The following IMMP2L variants were observed in gnomAD, a reference collection of about 807,000 sequenced individuals.
The protein encoded by IMMP2L is mitochondrial inner membrane protease subunit 2.
A neutral mutation model predicts 19.3 loss-of-function variants in IMMP2L; 18 were observed. That is an observed-to-expected ratio of 0.93 (90% CI 0.64 to 1.38). The LOEUF (loss-of-function observed/expected upper bound fraction) is 1.38, where lower values mean the gene tolerates loss of function less well. IMMP2L is among the 40% of genes most tolerant of loss of function. IMMP2L has a pLI of 0.00. For synonymous variants in IMMP2L, 76 were observed against 73.0 expected (o/e 1.04, Z -0.21); for missense variants, 233 against 218.2 (o/e 1.07, Z -0.43).
intron 3 of IMMP2L, among the ~76,000 whole-genome samples, chr7:111,210,085 C>A (rs549526546): frequency 6.6e-6 from 1 of 152,198 alleles, no homozygotes; most frequent in African/African-American, 2.4e-5. Context: ...CCTTGTATCT[C>A]CTTTTGGTTG....
At chr7:110,922,324 C>T (rs1246357950) in intron 4 of IMMP2L, among the ~76,000 whole-genome samples, 2 of 152,122 alleles carry the variant, frequency 1.3e-5, no homozygotes, top group Non-Finnish European at 2.9e-5. Context: ...CAAATCCTTG[C>T]ATATAAAAAT....
At chr7:111,122,688 C>CT in intron 3 of IMMP2L, 1 of 1,049,116 alleles carries the variant, frequency 9.5e-7, no homozygotes, top group Non-Finnish European at 1.4e-6. Context: ...AAGCATCTTC[C>CT]TTATCAATCA....
At chr7:111,254,720 A>G (rs1816512578) in intron 3 of IMMP2L, among the ~76,000 whole-genome samples, 1 of 152,138 alleles carries the variant, frequency 6.6e-6, no homozygotes, top group Non-Finnish European at 1.5e-5. Context: ...AATCTGCACA[A>G]CATAAGTCCC....
At chr7:110,691,839 G>A (rs1793530188) in intron 5 of IMMP2L, among the ~76,000 whole-genome samples, 1 of 152,256 alleles carries the variant, frequency 6.6e-6, no homozygotes, top group Non-Finnish European at 1.5e-5. Context: ...AAAAGAGAAT[G>A]CTTATCAACT....
chr7:111,035,838 T>C lies in IMMP2L; in HGVS notation c.240-72273A>G, dbSNP rs377409280. ...CTTTCCTAAATGGAATCATCTGATATGGACTGGCCTGGTCATTCCATCTAT... is the reference window on the plus strand; with the variant it reads ...CTTTCCTAAATGGAATCATCTGATACGGACTGGCCTGGTCATTCCATCTAT... On this transcript the variant is annotated intron_variant, in intron 3 of 5. Transcript: ENST00000405709. Among the ~76,000 whole-genome samples, 13 of 152,292 alleles carry C rather than the reference T, an allele frequency of 8.5e-5. No individual in the cohort carries two copies. The East Asian group carries it at 1.4e-3, about 16-fold the overall frequency.
intron 3 of IMMP2L, among the ~76,000 whole-genome samples, chr7:111,054,703 C>A (rs1221089359): frequency 1.3e-5 from 2 of 152,162 alleles, no homozygotes; most frequent in Middle Eastern, 3.2e-3. Flanking sequence ...CCAGCACCTC[C>A]CTCTGTTGGC....
chr7:110,699,229 C>T (rs963006895), intron 5 of IMMP2L, among the ~76,000 whole-genome samples: 2 of 152,154 alleles, frequency 1.3e-5, no homozygotes, highest in African/African-American at 4.8e-5. Flanking sequence ...TGATGCTGCC[C>T]TAGACTATGT....
At chr7:111,337,956 G>T (rs1826612668) in intron 3 of IMMP2L, among the ~76,000 whole-genome samples, 1 of 152,144 alleles carries the variant, frequency 6.6e-6, no homozygotes. Flanking sequence ...AAAAAGGACT[G>T]CCTCTGCACA....
At position 111,327,125 on chromosome 7, in the gene IMMP2L, A is replaced by T. The variant is rs938437109; in HGVS notation, c.239+160113T>A. ...TGGAAAACACTGTGCTACATGAAAT[A>T]GGCCAGTCACAGAAGCGCAAATACT... On this transcript the variant is annotated intron_variant, in intron 3 of 5. Transcript: ENST00000405709. Among the ~76,000 whole-genome samples, 3 of 151,794 alleles carry T rather than the reference A, an allele frequency of 2.0e-5. No homozygotes were observed. In the East Asian group the frequency reaches 5.8e-4, roughly 29 times the overall value.
At chr7:111,180,703 T>C (rs1807609177) in intron 3 of IMMP2L, among the ~76,000 whole-genome samples, 1 of 152,000 alleles carries the variant, frequency 6.6e-6, no homozygotes, top group African/African-American at 2.4e-5. Flanking sequence ...AAGCCTACAA[T>C]AAAATTGTGC....
At chr7:111,009,504 G>T (rs1398642507) in intron 3 of IMMP2L, among the ~76,000 whole-genome samples, 1 of 151,946 alleles carries the variant, frequency 6.6e-6, no homozygotes, top group Non-Finnish European at 1.5e-5. Flanking sequence ...ATAAAAAAAT[G>T]CCAATAATGA....
intron 4 of IMMP2L, among the ~76,000 whole-genome samples, chr7:110,944,612 G>C (rs1036527699): frequency 6.6e-6 from 1 of 151,892 alleles, no homozygotes; most frequent in African/African-American, 2.4e-5. Context: ...CTCTAAAGGC[G>C]AAGTTACTCA....
chr7:111,109,727 T>C (rs1798970917), intron 3 of IMMP2L, among the ~76,000 whole-genome samples: 1 of 152,150 alleles, frequency 6.6e-6, no homozygotes. Flanking sequence ...TATATGAAAA[T>C]TGAACTGAAT....
chr7:111,349,004 A>C (rs1354852483), intron 3 of IMMP2L, among the ~76,000 whole-genome samples: 1 of 152,172 alleles, frequency 6.6e-6, no homozygotes, highest in Non-Finnish European at 1.5e-5. Flanking sequence ...TGTACTGGTT[A>C]ATACTTTATA....
rs1811502121 is a variant in IMMP2L at position 111,213,069 on chromosome 7, CAAG to C, written c.240-249507_240-249505del. On this transcript the variant is annotated intron_variant, in intron 3 of 5. Coordinates refer to ENST00000405709, the MANE Select transcript of IMMP2L (RefSeq NM_032549.4). The surrounding 1 kb of genome is among the most constrained non-coding windows in gnomAD (Gnocchi z 4.8). ...CCTTCCAGGCACAGCTGCAGCCACC[CAAG>C]TGGCGGCTCCAAACCCAGGCATTTC... Among the ~76,000 whole-genome samples the C allele has an allele frequency of 6.6e-6, 1 of 152,222 alleles. No individual in the cohort carries two copies. Among genetic ancestry groups the C allele is most frequent in the Admixed American group, 6.5e-5 (1 of 15,290 alleles).
At chr7:111,114,265 C>G (rs949697823) in intron 3 of IMMP2L, among the ~76,000 whole-genome samples, 1 of 152,022 alleles carries the variant, frequency 6.6e-6, no homozygotes, top group Non-Finnish European at 1.5e-5. Flanking sequence ...TTGTACAGCT[C>G]CTAAGGATCT....
intron 3 of IMMP2L, among the ~76,000 whole-genome samples, chr7:111,101,091 C>T (rs1427909242): frequency 6.6e-6 from 1 of 151,518 alleles, no homozygotes; most frequent in African/African-American, 2.4e-5. Context: ...ATCGAATTCT[C>T]AACCCCATTT....
chr7:110,930,534 T>G (rs1815354579), intron 4 of IMMP2L, among the ~76,000 whole-genome samples: 1 of 152,092 alleles, frequency 6.6e-6, no homozygotes, highest in African/African-American at 2.4e-5. Flanking sequence ...TATTTCTACT[T>G]TACTAAGGAG....
At chr7:111,551,977 A>G (rs1309748339) in intron 1 of IMMP2L, among the ~76,000 whole-genome samples, 1 of 152,154 alleles carries the variant, frequency 6.6e-6, no homozygotes, top group Non-Finnish European at 1.5e-5. Flanking sequence ...CCTCAAGGAG[A>G]TGCTCTAGAA....
Sources: gnomAD v4.1 joint callset for allele counts (sites outside exome capture counted in the v4.1 genomes callset) on GRCh38, gnomAD v4.1.1 for gene constraint, Gnocchi (gnomAD v3.1) non-coding constraint, MANE v1.5 for transcripts, NCBI Gene and HGNC (gene_info 2026-07-23, HGNC 2026-07-21) for gene names.